C14orf39: variants seen among roughly 807,000 people sequenced by gnomAD.
The protein encoded by C14orf39 is protein SIX6OS1.
A neutral mutation model predicts 85.6 loss-of-function variants in C14orf39; 66 were observed. The ratio of observed to expected loss-of-function variants is 0.77; its 90% CI spans 0.63 to 0.95. The LOEUF (loss-of-function observed/expected upper bound fraction) is 0.95, where lower values mean the gene tolerates loss of function less well. C14orf39 is among the 40% of genes least tolerant of loss of function. The probability of loss-of-function intolerance (pLI) is 0.00; values close to 1 mark genes in which losing one functional copy is unlikely to be tolerated. For synonymous variants in C14orf39, 242 were observed against 214.0 expected (o/e 1.13, Z -1.14); for missense variants, 735 against 663.9 (o/e 1.11, Z -1.18).
chr14:60,495,831 C>T, intron 2 of C14orf39: 2 of 295,070 alleles, frequency 6.8e-6, no homozygotes, highest in African/African-American at 4.3e-5. Context: ...TTGAGGTGTT[C>T]CATGGCTTCC....
At chr14:60,480,109 T>A (rs2140151172) in intron 4 of C14orf39, among the ~76,000 whole-genome samples, 1 of 152,246 alleles carries the variant, frequency 6.6e-6, no homozygotes, top group Non-Finnish European at 1.5e-5. Flanking sequence ...CTCACTCCTG[T>A]TAGAATGGCT....
intron 14 of C14orf39, among the ~76,000 whole-genome samples, chr14:60,457,497 G>C (rs1440401296): frequency 6.6e-6 from 1 of 151,846 alleles, no homozygotes; most frequent in Non-Finnish European, 1.5e-5. Context: ...TGCTCTCATT[G>C]ATTAATTACA....
At chr14:60,468,355 A>G (rs1245755988) in intron 9 of C14orf39, 90 bp downstream of exon 9, 2 of 653,162 alleles carry the variant, frequency 3.1e-6, no homozygotes. Context: ...TACTGTGTAA[A>G]TATTAGTGGT....
intron 9 of C14orf39, among the ~76,000 whole-genome samples, chr14:60,468,110 T>C (rs1037657445): frequency 5.3e-5 from 8 of 151,650 alleles, no homozygotes; most frequent in African/African-American, 1.9e-4. Context: ...ACCTTGCTAT[T>C]CCCACCATTG....
chr14:60,438,404 A>G (rs1376196181), intron 17 of C14orf39, among the ~76,000 whole-genome samples: 3 of 152,172 alleles, frequency 2.0e-5, no homozygotes, highest in Non-Finnish European at 4.4e-5. Context: ...CACGGATCCA[A>G]AAAGAGCTAA....
At chr14:60,482,343 TC>T (rs1487163358) in intron 4 of C14orf39, among the ~76,000 whole-genome samples, 1 of 152,200 alleles carries the variant, frequency 6.6e-6, no homozygotes, top group East Asian at 1.9e-4. Context: ...TTTTGGCTGA[TC>T]AGATTACCAA....
chr14:60,469,261 C>T (rs1891949628), intron 8 of C14orf39, among the ~76,000 whole-genome samples: 1 of 149,028 alleles, frequency 6.7e-6, no homozygotes, highest in African/African-American at 2.4e-5. Context: ...TCAAAGAAAG[C>T]TAAACTATTC....
intron 4 of C14orf39, among the ~76,000 whole-genome samples, chr14:60,479,711 A>G (rs958120091): frequency 6.6e-6 from 1 of 152,144 alleles, no homozygotes. Flanking sequence ...GCTTTGACCA[A>G]TTTGTAACTT....
At chr14:60,490,218 C>G (rs564476557), upstream of C14orf39, among the ~76,000 whole-genome samples, 1 of 152,108 alleles carries the variant, frequency 6.6e-6, no homozygotes, top group South Asian at 2.1e-4. Flanking sequence ...CAATGTGTAT[C>G]TCTAGCCTAG....
chr14:60,480,890 G>T (rs1892608959), intron 4 of C14orf39, among the ~76,000 whole-genome samples: 4 of 152,144 alleles, frequency 2.6e-5, no homozygotes, highest in Admixed American at 2.0e-4. Flanking sequence ...GTTATATGTA[G>T]TATCTAAAAA....
intron 1 of C14orf39, among the ~76,000 whole-genome samples, chr14:60,506,075 C>A (rs1893199700): frequency 6.6e-6 from 1 of 152,148 alleles, no homozygotes; most frequent in African/African-American, 2.4e-5. Flanking sequence ...TCCATATTTG[C>A]CCCACAAAAT....
At chr14:60,501,450 A>G (rs973747326) in intron 1 of C14orf39, among the ~76,000 whole-genome samples, 2 of 152,206 alleles carry the variant, frequency 1.3e-5, no homozygotes, top group African/African-American at 4.8e-5. Flanking sequence ...ACAAAACAAG[A>G]AATGCCAGCA....
At chr14:60,453,117 ATTGTG>A (rs766771446) in intron 16 of C14orf39, among the ~76,000 whole-genome samples, 23 of 152,076 alleles carry the variant, frequency 1.5e-4, no homozygotes, top group Non-Finnish European at 3.2e-4. Flanking sequence ...ATCTTTACTG[ATTGTG>A]TTATCTAATT....
chr14:60,446,449 AAG>A (rs1465247644), intron 16 of C14orf39, among the ~76,000 whole-genome samples: 5 of 152,250 alleles, frequency 3.3e-5, no homozygotes, highest in Non-Finnish European at 7.3e-5. Context: ...GAAAATTTAG[AAG>A]AAATGCTTAA....
chr14:60,465,732 T>C (rs2140102992), intron 11 of C14orf39, among the ~76,000 whole-genome samples: 1 of 152,148 alleles, frequency 6.6e-6, no homozygotes, highest in South Asian at 2.1e-4. Context: ...AAATATCTTT[T>C]TCTATTATTT....
rs182402635 is a variant in C14orf39 at position 60,477,367 on chromosome 14, T to C, written c.323+933A>G. 3.9e-5 allele frequency among the ~76,000 whole-genome samples: 6 copies of C among 152,282 alleles called. No individual in the cohort carries two copies. In the East Asian group the frequency reaches 1.2e-3, roughly 29 times the overall value. ...CATTCTAGATTTTGCACGTTTTAGTTACAATATAAAAATAGATACTGTTCT... is the reference window on the plus strand; with the variant it reads ...CATTCTAGATTTTGCACGTTTTAGTCACAATATAAAAATAGATACTGTTCT... On this transcript the variant is annotated intron_variant, in intron 5 of 17. Coordinates refer to ENST00000321731, the MANE Select transcript of C14orf39 (RefSeq NM_174978.3).
intron 11 of C14orf39, 54 bp downstream of exon 11, chr14:60,465,925 T>G (rs548884826): frequency 1.1e-6 from 1 of 905,260 alleles, no homozygotes; most frequent in East Asian, 2.7e-5. Flanking sequence ...CATTCATTAT[T>G]ACATTTAATG....
intron 1 of C14orf39, among the ~76,000 whole-genome samples, chr14:60,503,398 C>A (rs893476483): frequency 6.6e-6 from 1 of 152,146 alleles, no homozygotes; most frequent in Non-Finnish European, 1.5e-5. Flanking sequence ...ACCTTACACA[C>A]GGCAGGCATT....
At chr14:60,460,662 T>C (rs942689573) in intron 13 of C14orf39, among the ~76,000 whole-genome samples, 1 of 151,844 alleles carries the variant, frequency 6.6e-6, no homozygotes, top group Non-Finnish European at 1.5e-5. Flanking sequence ...TATGTTAATA[T>C]ACATATACAT....
Sources: allele counts gnomAD v4.1 joint callset (sites outside exome capture counted in the v4.1 genomes callset), GRCh38; gene constraint gnomAD v4.1.1; transcripts MANE v1.5; gene names NCBI Gene and HGNC (gene_info 2026-07-23, HGNC 2026-07-21).